Variants in LRMDA observed in about 807,000 individuals in gnomAD.
LRMDA encodes leucine-rich melanocyte differentiation-associated protein.
Under a neutral mutation model 29.8 loss-of-function variants are expected in LRMDA, and 18 were observed. That is an observed-to-expected ratio of 0.60 (90% confidence interval 0.42 to 0.90). LRMDA has a LOEUF of 0.90. Among genes scored for constraint, LRMDA ranks in the 40% least tolerant of loss-of-function variants. The probability of loss-of-function intolerance (pLI) is 0.00; values close to 1 mark genes in which losing one functional copy is unlikely to be tolerated. For missense variants in LRMDA, 273 were observed against 273.9 expected, an observed-to-expected ratio of 1.00 and a Z score of 0.02; for synonymous variants, 125 against 109.4, an observed-to-expected ratio of 1.14 and a Z score of -0.89.
At chr10:76,230,073 G>A (rs1852030504) in intron 5 of LRMDA, among the ~76,000 whole-genome samples, 1 of 151,950 alleles carries the variant, frequency 6.6e-6, no homozygotes, top group Admixed American at 6.6e-5. Flanking sequence ...GACATTCCTG[G>A]TGGGGTAGGG....
At chr10:75,802,362 C>T (rs1316218929) in intron 2 of LRMDA, among the ~76,000 whole-genome samples, 1 of 150,178 alleles carries the variant, frequency 6.7e-6, no homozygotes, top group Non-Finnish European at 1.5e-5. Context: ...CACACACACA[C>T]ACACAATAGG....
chr10:76,364,431 T>A (rs1435149148), intron 6 of LRMDA, among the ~76,000 whole-genome samples: 1 of 151,990 alleles, frequency 6.6e-6, no homozygotes, highest in East Asian at 1.9e-4. Context: ...ATCCTAGGGG[T>A]GGTTATTACT....
chr10:75,984,553 T>G (rs1167459933), intron 2 of LRMDA, among the ~76,000 whole-genome samples: 2 of 152,220 alleles, frequency 1.3e-5, no homozygotes, highest in East Asian at 1.9e-4. Context: ...TCATGCTGCA[T>G]GAGCAGGAGC....
At chr10:76,088,477 G>A (rs1564649555) in intron 5 of LRMDA, among the ~76,000 whole-genome samples, 1 of 152,096 alleles carries the variant, frequency 6.6e-6, no homozygotes. Context: ...GAATTTAATT[G>A]GTTGCCAATA....
intron 2 of LRMDA, 53 bp from the exon 3 acceptor site, chr10:76,035,955 G>A: frequency 2.5e-6 from 4 of 1,582,418 alleles, no homozygotes; most frequent in Non-Finnish European, 3.4e-6. Flanking sequence ...GGCTCATAAT[G>A]GCCTCCCTGA....
intron 2 of LRMDA, among the ~76,000 whole-genome samples, chr10:75,549,606 C>A (rs961907678): frequency 6.6e-6 from 1 of 152,132 alleles, no homozygotes; most frequent in African/African-American, 2.4e-5. Context: ...CAGGTACATG[C>A]CACTGCTTCA....
chr10:75,838,849 T>C (rs1844486481), intron 2 of LRMDA, among the ~76,000 whole-genome samples: 1 of 152,224 alleles, frequency 6.6e-6, no homozygotes, highest in South Asian at 2.1e-4. Flanking sequence ...AATACTGCAT[T>C]GTGTGACAGA....
intron 4 of LRMDA, among the ~76,000 whole-genome samples, chr10:76,050,494 T>G (rs1848512879): frequency 6.6e-6 from 1 of 152,232 alleles, no homozygotes; most frequent in African/African-American, 2.4e-5. Flanking sequence ...CCATTCATCA[T>G]AGTTCATGGC....
At chr10:76,093,966 C>T (rs983070285) in intron 5 of LRMDA, among the ~76,000 whole-genome samples, 5 of 152,158 alleles carry the variant, frequency 3.3e-5, no homozygotes, top group South Asian at 2.1e-4. Context: ...CCACGCTATC[C>T]GCCAAAATGC....
At chr10:76,144,779 A>G (rs1850278908) in intron 5 of LRMDA, among the ~76,000 whole-genome samples, 1 of 152,068 alleles carries the variant, frequency 6.6e-6, no homozygotes, top group African/African-American at 2.4e-5. Context: ...CCTGTTTTCA[A>G]AGGGAATGCT....
intron 2 of LRMDA, among the ~76,000 whole-genome samples, chr10:75,760,516 G>A (rs539320026): frequency 6.6e-6 from 1 of 152,250 alleles, no homozygotes; most frequent in South Asian, 2.1e-4. Flanking sequence ...ATACCCTCTT[G>A]ATGAATTAAT....
At chr10:75,954,959 A>G (rs1846639992) in intron 2 of LRMDA, among the ~76,000 whole-genome samples, 2 of 152,342 alleles carry the variant, frequency 1.3e-5, no homozygotes, top group South Asian at 2.1e-4. Flanking sequence ...CTGTGTCTAC[A>G]TTAATCCAAA....
chr10:75,619,648 G>A (rs1366574586), intron 2 of LRMDA, among the ~76,000 whole-genome samples: 1 of 152,140 alleles, frequency 6.6e-6, no homozygotes, highest in Admixed American at 6.5e-5. Context: ...CAGCATCGCA[G>A]TCTCTCTCTT....
intron 6 of LRMDA, among the ~76,000 whole-genome samples, chr10:76,440,199 G>A (rs1001128665): frequency 1.3e-5 from 2 of 152,228 alleles, no homozygotes; most frequent in Admixed American, 6.5e-5. Context: ...GTCTGGGAAG[G>A]CCTCTGGAAA....
intron 2 of LRMDA, among the ~76,000 whole-genome samples, chr10:75,893,932 CA>C (rs59406150): frequency 0.8 from 103,305 of 128,504 alleles, 40,387 homozygotes; most frequent in African/African-American, 0.88. Context: ...CTCCGTCTCA[CA>C]AAAAAAAAAA....
At chr10:75,957,032 C>T (rs1051063140) in intron 2 of LRMDA, among the ~76,000 whole-genome samples, 4 of 152,180 alleles carry the variant, frequency 2.6e-5, no homozygotes, top group Non-Finnish European at 4.4e-5. Context: ...AGCATTTATA[C>T]TTTTTTAATG....
At chr10:76,217,327 C>G (rs1308563222) in intron 5 of LRMDA, among the ~76,000 whole-genome samples, 1 of 152,214 alleles carries the variant, frequency 6.6e-6, no homozygotes, top group Non-Finnish European at 1.5e-5. Flanking sequence ...ATACCTTCAG[C>G]TTCAACATTA....
At chr10:75,736,138 T>G (rs897569405) in intron 2 of LRMDA, among the ~76,000 whole-genome samples, 2 of 152,138 alleles carry the variant, frequency 1.3e-5, no homozygotes, top group Non-Finnish European at 2.9e-5. Context: ...AAAATTATAG[T>G]TAGGAATATT....
intron 1 of LRMDA, among the ~76,000 whole-genome samples, chr10:75,436,070 A>G (rs1844260723): frequency 1.4e-5 from 2 of 142,014 alleles, no homozygotes; most frequent in South Asian, 4.3e-4. Context: ...AAAAAAAAAA[A>G]AAAAGAGAGA....
Sources: gnomAD v4.1 joint callset for allele counts (sites outside exome capture counted in the v4.1 genomes callset) on GRCh38, gnomAD v4.1.1 for gene constraint, MANE v1.5 for transcripts, NCBI Gene and HGNC (gene_info 2026-07-23, HGNC 2026-07-21) for gene names.